CASQ1: variants seen among roughly 807,000 people sequenced by gnomAD.
The protein encoded by CASQ1 is calsequestrin-1.
Under a neutral mutation model 49.5 loss-of-function variants are expected in CASQ1, and 40 were observed. That is an observed-to-expected ratio of 0.81 (90% CI 0.63 to 1.05). CASQ1 has a LOEUF of 1.05. Among genes scored for constraint, CASQ1 ranks in the 50% least tolerant of loss-of-function variants. The pLI is 0.00. For missense variants in CASQ1, 469 were observed against 486.9 expected, an observed-to-expected ratio of 0.96 and a Z score of 0.35; for synonymous variants, 174 against 187.2, an observed-to-expected ratio of 0.93 and a Z score of 0.58.
chr1:160,199,287 G>C (rs1654316916), intron 9 of CASQ1, among the ~76,000 whole-genome samples: 1 of 152,180 alleles, frequency 6.6e-6, no homozygotes, highest in Admixed American at 6.5e-5. Flanking sequence ...GGGTAGCTCA[G>C]GTGCTAGGGC....
chr1:160,192,696 C>T (rs2101671457), intron 1 of CASQ1, 106 bp from the exon 2 acceptor site: 1 of 882,582 alleles, frequency 1.1e-6, no homozygotes, highest in Non-Finnish European at 1.9e-6. Flanking sequence ...AAGGTCAACT[C>T]TTATATCTCC....
In CASQ1 at chr1:160,199,476, G is replaced by A. The variant is rs188764976; in HGVS notation, c.985-375G>A. On this transcript the variant is annotated intron_variant, in intron 9 of 10. Transcript: ENST00000368078. Reference sequence around the variant, plus strand: ...AGTAACTGAAAGAACAAAGAGAAACGTGAGAAACATTGGCACTTACCAGGT... The same window carrying A: ...AGTAACTGAAAGAACAAAGAGAAACATGAGAAACATTGGCACTTACCAGGT... 7.2e-5 allele frequency among the ~76,000 whole-genome samples: 11 copies of A among 152,296 alleles called. No individual in the cohort carries two copies. The East Asian group carries it at 1.3e-3, about 19-fold the overall frequency.
At chr1:160,199,439 C>T (rs1019617158) in intron 9 of CASQ1, among the ~76,000 whole-genome samples, 1 of 152,170 alleles carries the variant, frequency 6.6e-6, no homozygotes, top group Non-Finnish European at 1.5e-5. Flanking sequence ...ACCTAGCACT[C>T]GCTGTTGAAT....
In CASQ1 at chr1:160,199,887, T is replaced by A; in HGVS notation, c.1021T>A (p.Leu341Met). Residue 341 changes from leucine (L) to methionine (M), a missense_variant, in exon 10 of 11, where the codon TTG (leucine) becomes ATG (methionine). By Grantham distance (15) the Leu-to-Met change is conservative. Transcript: ENST00000368078. ...PYWEKTFDID[L>M]SAPQIGVVNV... ...CTGGGAGAAGACGTTTGACATCGAC[T>A]TGTCAGCCCCACAAATAGGAGTCGT... The A allele has an allele frequency of 6.2e-7, 1 of 1,613,812 alleles. No homozygotes were observed. Among genetic ancestry groups the A allele is most frequent in the East Asian group, 2.2e-5 (1 of 44,884 alleles).
Position 160,194,954 on chromosome 1 carries a change from C to G in CASQ1, c.466-58C>G. On this transcript the variant is annotated intron_variant, in intron 3 of 10. Coordinates refer to ENST00000368078, the MANE Select transcript of CASQ1 (RefSeq NM_001231.5). ...TCCCCAGCCTTCTTTTCCCTAGGTC[C>G]CTTTCTGGTTCTACTTGAGGATAGA... The G allele has an allele frequency of 2.8e-6, 3 of 1,065,622 alleles. No homozygotes were observed. The South Asian group carries it at 4.4e-5, about 16-fold the overall frequency. The allele number at this position is 1,065,622 out of a possible 1,614,324, so 66.0% of individuals were successfully genotyped here. A position where few individuals can be genotyped will look rare whatever the true frequency, so the allele number is the denominator to read the frequency against.
chr1:160,192,957 T>G, intron 2 of CASQ1, 71 bp downstream of exon 2: 1 of 1,228,184 alleles, frequency 8.1e-7, no homozygotes, highest in Non-Finnish European at 1.2e-6. Flanking sequence ...GGAGGACCTG[T>G]CAGGCAGTCC....
chr1:160,200,550 G>A (rs1425127001), intron 10 of CASQ1, among the ~76,000 whole-genome samples: 4 of 152,166 alleles, frequency 2.6e-5, no homozygotes, highest in African/African-American at 9.7e-5. Flanking sequence ...CAATGTATAC[G>A]ATTTCAACAA....
chr1:160,201,490 A>C lies in CASQ1; in HGVS notation c.*114A>C. The C allele has an allele frequency of 8.8e-7, 1 of 1,140,994 alleles. No homozygotes were observed. Among genetic ancestry groups the C allele is most frequent in the African/African-American group, 1.5e-5 (1 of 65,648 alleles). The allele number at this position is 1,140,994 out of a possible 1,614,324, so 70.7% of individuals were successfully genotyped here. A position where few individuals can be genotyped will look rare whatever the true frequency, so the allele number is the denominator to read the frequency against. On this transcript the variant is annotated 3_prime_UTR_variant, in exon 11 of 11. Transcript: ENST00000368078. The stretch of plus-strand genomic sequence containing the variant: ...CTAGGTTATTCTCTGCCATAGAGCT[A>C]ACTGGGGTCTATATGCTGGGTGCTG...
In CASQ1 at chr1:160,190,785, G is replaced by C. The variant is rs1303913133; in HGVS notation, c.34G>C (p.Val12Leu). ...SATDRMGPRA[V>L]PGLRLALLLL... Reference sequence around the variant, plus strand: ...TACAGACAGGATGGGGCCCAGAGCTGTGCCGGGTCTGCGGCTGGCACTGCT... The same window carrying C: ...TACAGACAGGATGGGGCCCAGAGCTCTGCCGGGTCTGCGGCTGGCACTGCT... Residue 12 changes from valine (V) to leucine (L), a missense_variant, in exon 1 of 11, where the codon GTG (valine) becomes CTG (leucine). Physicochemically the swap from Val to Leu is conservative, Grantham distance 32 (BLOSUM62 1). Transcript: ENST00000368078. 1 of 1,614,148 alleles carries C rather than the reference G, an allele frequency of 6.2e-7. No homozygotes were observed. The highest frequency in any genetic ancestry group is 2.2e-5 in the East Asian group (1 of 44,886).
Position 160,190,758 on chromosome 1 carries a change from GC to G in CASQ1, c.8del (p.Ala3ValfsTer23), listed in dbSNP as rs1379806334. MSATDRMGPRAVP... is the reference protein window; with the variant it reads MSXTDRMGPRAVP... ...CCCAGATCCCACTACCTCCATGAGT[GC>G]TACAGACAGGATGGGGCCCAGAGCT... On this transcript the variant is annotated frameshift_variant, in exon 1 of 11. Transcript: ENST00000368078. LOFTEE classifies it high-confidence loss of function. 2 of 1,613,698 alleles carry G rather than the reference GC, an allele frequency of 1.2e-6. No homozygotes were observed. The highest frequency in any genetic ancestry group is 4.5e-5 in the East Asian group (2 of 44,878).
Position 160,193,533 on chromosome 1 carries a change from C to A in CASQ1, c.365-214C>A, listed in dbSNP as rs575483058. Among the ~76,000 whole-genome samples, 12 of 152,240 alleles carry A rather than the reference C, an allele frequency of 7.9e-5. No individual in the cohort carries two copies. The South Asian group carries it at 2.5e-3, about 32-fold the overall frequency. The stretch of plus-strand genomic sequence containing the variant: ...TACTCCCTAGAAAGCTCTGGGGCCA[C>A]GCTAGCCCCCTAGGCTTAATCCAGG... On this transcript the variant is annotated intron_variant, in intron 2 of 10. Coordinates refer to ENST00000368078, the MANE Select transcript of CASQ1 (RefSeq NM_001231.5).
At chr1:160,201,178 A>G (rs1237373531) in intron 10 of CASQ1, 67 bp from the exon 11 acceptor site, 23 of 1,525,320 alleles carry the variant, frequency 1.5e-5, no homozygotes, top group East Asian at 2.3e-5. Context: ...GAGTCCAGTG[A>G]GTGGGAAGAC....
At chr1:160,195,655 C>A (rs1049065770) in intron 5 of CASQ1, 121 bp downstream of exon 5, 11 of 853,024 alleles carry the variant, frequency 1.3e-5, no homozygotes, top group South Asian at 3.1e-5. Flanking sequence ...CCTACCTGCC[C>A]CCCCCCCCGG....
intron 7 of CASQ1, chr1:160,198,350 C>T (rs1334394328): frequency 4.7e-6 from 1 of 213,552 alleles, no homozygotes; most frequent in Admixed American, 5.2e-5. Flanking sequence ...ACTAAAAATA[C>T]AAAATTAGCC....
At chr1:160,197,687 C>T in intron 7 of CASQ1, 73 bp downstream of exon 7, 1 of 1,023,132 alleles carries the variant, frequency 9.8e-7, no homozygotes, top group African/African-American at 1.6e-5. Flanking sequence ...TAGAAAAACC[C>T]CACCCTACTG....
At chr1:160,197,967 C>T (rs913595131) in intron 7 of CASQ1, among the ~76,000 whole-genome samples, 2 of 150,882 alleles carry the variant, frequency 1.3e-5, no homozygotes, top group African/African-American at 4.9e-5. Context: ...TGCAGTGATC[C>T]GCCACTGCAC....
chr1:160,201,203 G>A (rs1306733919), intron 10 of CASQ1, 42 bp from the exon 11 acceptor site: 5 of 1,598,334 alleles, frequency 3.1e-6, no homozygotes, highest in Non-Finnish European at 3.4e-6. Flanking sequence ...CCTAAGACCC[G>A]GGTTGGACTT....
chr1:160,196,232 C>T (rs1297649279), intron 6 of CASQ1, among the ~76,000 whole-genome samples: 1 of 152,098 alleles, frequency 6.6e-6, no homozygotes, highest in East Asian at 1.9e-4. Flanking sequence ...AGCCCTACAC[C>T]GAGAGGGTCC....
At chr1:160,197,215 G>A (rs771501205) in intron 6 of CASQ1, among the ~76,000 whole-genome samples, 1 of 152,178 alleles carries the variant, frequency 6.6e-6, no homozygotes, top group African/African-American at 2.4e-5. Context: ...TGCTTGCCTG[G>A]TTCAACTGTA....
Sources: allele counts gnomAD v4.1 joint callset (sites outside exome capture counted in the v4.1 genomes callset), GRCh38; gene constraint gnomAD v4.1.1; transcripts MANE v1.5; gene names NCBI Gene and HGNC (gene_info 2026-07-23, HGNC 2026-07-21).